GNRHR: variants seen among roughly 807,000 people sequenced by gnomAD.
The protein encoded by GNRHR is gonadotropin releasing hormone receptor, also known as gonadotropin-releasing hormone receptor.
A neutral mutation model predicts 28.1 loss-of-function variants in GNRHR; 14 were observed. The ratio of observed to expected loss-of-function variants is 0.50; its 90% CI spans 0.33 to 0.78. The LOEUF is 0.78. Ranked by LOEUF, GNRHR falls within the 30% of genes least tolerant of loss-of-function variation. GNRHR has a pLI of 0.02. For missense variants in GNRHR, 366 were observed against 382.1 expected (o/e 0.96, Z 0.35); for synonymous variants, 141 against 140.5 (o/e 1.00, Z -0.02).
intron 1 of GNRHR, among the ~76,000 whole-genome samples, chr4:67,748,804 A>G (rs1275868273): frequency 6.6e-6 from 1 of 151,788 alleles, no homozygotes; most frequent in African/African-American, 2.4e-5. Context: ...ATGGCCATAT[A>G]TAGATAACTA....
rs183683675 is a variant in GNRHR at position 67,749,050 on chromosome 4, A to G, written c.523-4263T>C. On this transcript the variant is annotated intron_variant, in intron 1 of 2. Transcript: ENST00000226413. ...AAGCTTTTAGCCAAATTCCTGGCAC[A>G]TATTTATGTCTTCAAGCATTATTTA... 1.1e-3 allele frequency among the ~76,000 whole-genome samples: 165 copies of G among 152,266 alleles called. 1 individual carries two copies. The highest frequency in any genetic ancestry group is 2.2e-4 in the Non-Finnish European group (15 of 67,994).
In GNRHR at chr4:67,739,357, A is replaced by G. The variant is rs1271349897; in HGVS notation, c.*1123T>C. The G allele has an allele frequency of 6.6e-6, 1 of 152,004 alleles. No individual in the cohort carries two copies. The highest frequency in any genetic ancestry group is 6.6e-5 in the Admixed American group (1 of 15,232). The allele number at this position is 152,004 out of a possible 1,614,324, so 9.4% of individuals were successfully genotyped here. The stretch of plus-strand genomic sequence containing the variant: ...AAGATTGTGTTTTTTAAATGCACAA[A>G]ATAATACAAATAGGGCTGAAATAAA... On this transcript the variant is annotated 3_prime_UTR_variant, in exon 3 of 3. Coordinates refer to ENST00000226413, the MANE Select transcript of GNRHR (RefSeq NM_000406.3).
At chr4:67,746,662 T>C (rs1017951835) in intron 1 of GNRHR, among the ~76,000 whole-genome samples, 2 of 151,960 alleles carry the variant, frequency 1.3e-5, no homozygotes, top group Admixed American at 6.6e-5. Context: ...TTAGAAAATT[T>C]TAATTACAAT....
At chr4:67,743,785 A>C (rs1731705587) in intron 2 of GNRHR, among the ~76,000 whole-genome samples, 1 of 152,154 alleles carries the variant, frequency 6.6e-6, no homozygotes, top group South Asian at 2.1e-4. Context: ...TTTTTTGGAA[A>C]TATTAAATAC....
In GNRHR at chr4:67,744,594, G is replaced by C. The variant is rs1360424915; in HGVS notation, c.716C>G (p.Thr239Arg). 1 of 1,607,580 alleles carries C rather than the reference G, an allele frequency of 6.2e-7. No individual in the cohort carries two copies. Among genetic ancestry groups the C allele is most frequent in the South Asian group, 1.1e-5 (1 of 90,978 alleles). ...GTGGGGGTCCTGATGAAGGACCCGTGTCAGGGTGAAGATGATTTTTGCATT... is the reference window on the plus strand; with the variant it reads ...GTGGGGGTCCTGATGAAGGACCCGTCTCAGGGTGAAGATGATTTTTGCATT... ...ICNAKIIFTL[T>R]RVLHQDPHEL... Residue 239 changes from threonine (T) to arginine (R), a missense_variant, in exon 2 of 3, where the codon ACA (threonine) becomes AGA (arginine). Coordinates refer to ENST00000226413, the MANE Select transcript of GNRHR (RefSeq NM_000406.3).
At chr4:67,747,565 G>A (rs1174317929) in intron 1 of GNRHR, among the ~76,000 whole-genome samples, 1 of 151,874 alleles carries the variant, frequency 6.6e-6, no homozygotes, top group Non-Finnish European at 1.5e-5. Flanking sequence ...GTAGTGCGTG[G>A]TTCAAATTGG....
rs1359607889 is a variant in GNRHR, at chr4:67,739,841, C to G, written c.*639G>C. On this transcript the variant is annotated 3_prime_UTR_variant, in exon 3 of 3. Coordinates refer to ENST00000226413, the MANE Select transcript of GNRHR (RefSeq NM_000406.3). Reference sequence around the variant, plus strand: ...ATATAGAGATACTTCACAACCTGTACCACATAAATAGGATGAAGGAGAACT... The same window carrying G: ...ATATAGAGATACTTCACAACCTGTAGCACATAAATAGGATGAAGGAGAACT... 6.6e-6 allele frequency: 1 copy of G among 152,334 alleles called. No individual in the cohort carries two copies. Among genetic ancestry groups the G allele is most frequent in the East Asian group, 1.9e-4 (1 of 5,198 alleles). 9.4% of individuals were successfully genotyped at this position (152,334 alleles called of 1,614,324 possible).
At chr4:67,741,972 T>C (rs542726783) in intron 2 of GNRHR, among the ~76,000 whole-genome samples, 1 of 152,360 alleles carries the variant, frequency 6.6e-6, no homozygotes, top group South Asian at 2.1e-4. Flanking sequence ...GATGGACAGA[T>C]TGTGAAGATT....
rs550535376 is a variant in GNRHR, at chr4:67,743,805, C to T, written c.742+763G>A. ...TGGAAATATTAAATACCATTTTGTGCTGGCAGGTGGAAACTGCCCAATTCC... is the reference window on the plus strand; with the variant it reads ...TGGAAATATTAAATACCATTTTGTGTTGGCAGGTGGAAACTGCCCAATTCC... On this transcript the variant is annotated intron_variant, in intron 2 of 2. Transcript: ENST00000226413. 7.2e-5 allele frequency among the ~76,000 whole-genome samples: 11 copies of T among 152,214 alleles called. No individual in the cohort carries two copies. In the East Asian group the frequency reaches 2.1e-3, roughly 29 times the overall value.
chr4:67,753,873 C>G lies in GNRHR; in HGVS notation c.463G>C (p.Val155Leu), dbSNP rs761298405. Reference protein sequence around the residue: ...RPLALKSNSKVGQSMVGLAWI... With the variant: ...RPLALKSNSKLGQSMVGLAWI... ...GCCAGGCCAACCATGGACTGTCCGA[C>G]TTTGCTGTTGCTTTTCAAAGCTAGG... The change falls in exon 1 of 3, where the codon GTC becomes CTC. Residue 155 changes from valine (V) to leucine (L), a missense_variant. Coordinates refer to ENST00000226413, the MANE Select transcript of GNRHR (RefSeq NM_000406.3). 6 of 1,613,948 alleles carry G rather than the reference C, an allele frequency of 3.7e-6. No individual in the cohort carries two copies. In the South Asian group the frequency reaches 6.6e-5, roughly 18 times the overall value.
At chr4:67,748,920 G>A (rs1731815702) in intron 1 of GNRHR, among the ~76,000 whole-genome samples, 1 of 151,882 alleles carries the variant, frequency 6.6e-6, no homozygotes, top group African/African-American at 2.4e-5. Context: ...GATAATGATT[G>A]TGCATAATTT....
Position 67,749,321 on chromosome 4 carries a change from G to A in GNRHR, c.522+4493C>T, listed in dbSNP as rs116635750. Among the ~76,000 whole-genome samples, 1,013 of 152,142 alleles carry A rather than the reference G, an allele frequency of 6.7e-3. 16 individuals are homozygous for A. Among genetic ancestry groups the A allele is most frequent in the African/African-American group, 0.023 (969 of 41,498 alleles). Reference sequence around the variant, plus strand: ...CCACATTTCTTGCCGGCAGGCCTGGGTTAACCATAGAATTTAAAAGCTGTC... The same window carrying A: ...CCACATTTCTTGCCGGCAGGCCTGGATTAACCATAGAATTTAAAAGCTGTC... On this transcript the variant is annotated intron_variant, in intron 1 of 2. Coordinates refer to ENST00000226413, the MANE Select transcript of GNRHR (RefSeq NM_000406.3).
intron 2 of GNRHR, among the ~76,000 whole-genome samples, chr4:67,742,481 A>G (rs1425378331): frequency 6.6e-6 from 1 of 152,184 alleles, no homozygotes; most frequent in Non-Finnish European, 1.5e-5. Flanking sequence ...TATCTGAAAT[A>G]ATTTCACTTT....
intron 1 of GNRHR, 86 bp from the exon 2 acceptor site, chr4:67,744,873 A>G: frequency 1.3e-6 from 1 of 772,282 alleles, no homozygotes; most frequent in East Asian, 2.5e-5. Flanking sequence ...GCCTTCTAAC[A>G]TGTTACCTAA....
At chr4:67,753,703 A>G (rs1731911057) in intron 1 of GNRHR, 111 bp downstream of exon 1, 1 of 945,824 alleles carries the variant, frequency 1.1e-6, no homozygotes, top group African/African-American at 1.6e-5. Context: ...GACTTCCAGA[A>G]CCCAAGCTCT....
At chr4:67,750,582 G>A (rs1482349823) in intron 1 of GNRHR, among the ~76,000 whole-genome samples, 1 of 152,046 alleles carries the variant, frequency 6.6e-6, no homozygotes, top group African/African-American at 2.4e-5. Flanking sequence ...AGCTTCTGAG[G>A]TTAATAATGA....
Position 67,744,573 on chromosome 4 carries a change from G to A in GNRHR, c.737C>T (p.Pro246Leu), listed in dbSNP as rs758113998. The A allele has an allele frequency of 3.2e-6, 5 of 1,573,010 alleles. No individual in the cohort carries two copies. The South Asian group carries it at 4.4e-5, about 14-fold the overall frequency. Residue 246 changes from proline (P) to leucine (L), a missense_variant, in exon 2 of 3, where the codon CCC becomes CTC. Transcript: ENST00000226413. ...FTLTRVLHQDPHELQLNQSKN... is the reference protein window; with the variant it reads ...FTLTRVLHQDLHELQLNQSKN... The stretch of plus-strand genomic sequence containing the variant: ...TAACTCTAAGGAATACATACCGTGG[G>A]GGTCCTGATGAAGGACCCGTGTCAG...
chr4:67,753,923 T>A lies in GNRHR; in HGVS notation c.413A>T (p.Asp138Val). Reference sequence around the variant, plus strand: ...GGGCCTCGTGATAGCCAGGGAGCGGTCCAGGCTGATCACCACCATCATGAA... The same window carrying A: ...GGGCCTCGTGATAGCCAGGGAGCGGACCAGGCTGATCACCACCATCATGAA... ...PAFMMVVISL[D>V]RSLAITRPLA... The change falls in exon 1 of 3, where the codon GAC becomes GTC. Residue 138 changes from aspartate (D) to valine (V), a missense_variant. Coordinates refer to ENST00000226413, the MANE Select transcript of GNRHR (RefSeq NM_000406.3). 6.2e-7 allele frequency: 1 copy of A among 1,613,662 alleles called. No individual in the cohort carries two copies. The highest frequency in any genetic ancestry group is 8.5e-7 in the Non-Finnish European group (1 of 1,179,634).
At position 67,752,657 on chromosome 4, in the gene GNRHR, T is replaced by A. The variant is rs537423544; in HGVS notation, c.522+1157A>T. 5.3e-5 allele frequency among the ~76,000 whole-genome samples: 8 copies of A among 152,194 alleles called. No individual in the cohort carries two copies. The East Asian group carries it at 1.5e-3, about 29-fold the overall frequency. On this transcript the variant is annotated intron_variant, in intron 1 of 2. Coordinates refer to ENST00000226413, the MANE Select transcript of GNRHR (RefSeq NM_000406.3). The stretch of plus-strand genomic sequence containing the variant: ...AAATCATATATTTTTCTTCAGAAAA[T>A]GAAAACATTTTAGTTTTTCCCATTA...
Sources: gnomAD v4.1 joint callset for allele counts (sites outside exome capture counted in the v4.1 genomes callset) on GRCh38, gnomAD v4.1.1 for gene constraint, MANE v1.5 for transcripts, NCBI Gene and HGNC (gene_info 2026-07-23, HGNC 2026-07-21) for gene names.